PPP5C: variants seen among roughly 807,000 people sequenced by gnomAD.
PPP5C encodes the protein protein phosphatase 5 catalytic subunit.
A neutral mutation model predicts 66.7 loss-of-function variants in PPP5C; 21 were observed. The ratio of observed to expected loss-of-function variants is 0.31; its 90% confidence interval spans 0.22 to 0.45. The LOEUF is 0.45. Ranked by LOEUF, PPP5C falls within the 20% of genes least tolerant of loss-of-function variation. The pLI, the probability that PPP5C is intolerant of heterozygous loss-of-function variation, is 1.00. For missense variants in PPP5C, 464 were observed against 675.9 expected (o/e 0.69, Z 3.48); for synonymous variants, 246 against 257.4 (o/e 0.96, Z 0.43).
In PPP5C at chr19:46,367,305, A is replaced by C. The variant is rs1601425286; in HGVS notation, c.364-8299A>C. Among the ~76,000 whole-genome samples, 13 of 152,330 alleles carry C rather than the reference A, an allele frequency of 8.5e-5. No homozygotes were observed. The South Asian group carries it at 2.7e-3, about 32-fold the overall frequency. The stretch of plus-strand genomic sequence containing the variant: ...TCAGGTAGGAGAAAGAAAGAGAGAA[A>C]TAAAATTTATAATCACTGTACCAGC... On this transcript the variant is annotated intron_variant, in intron 2 of 12. Transcript: ENST00000012443.
intron 2 of PPP5C, among the ~76,000 whole-genome samples, chr19:46,357,433 C>T (rs1358126369): frequency 2.6e-5 from 4 of 152,130 alleles, no homozygotes; most frequent in Non-Finnish European, 5.9e-5. Flanking sequence ...GGAGGTCTCT[C>T]CCTACCGGCA....
At chr19:46,382,861 A>G (rs376635634) in intron 4 of PPP5C, 3 of 1,067,226 alleles carry the variant, frequency 2.8e-6, no homozygotes, top group South Asian at 5.9e-5. Context: ...TGTCAAGGTC[A>G]TATCCAATCT....
chr19:46,385,085 C>T (rs1268997234), intron 7 of PPP5C, 176 bp downstream of exon 7: 6 of 579,010 alleles, frequency 1.0e-5, no homozygotes, highest in South Asian at 4.0e-5. Context: ...CCAAAGGACG[C>T]GTTTACATCA....
At chr19:46,357,118 G>T (rs191180825) in intron 2 of PPP5C, among the ~76,000 whole-genome samples, 21 of 152,270 alleles carry the variant, frequency 1.4e-4, no homozygotes, top group Admixed American at 1.3e-3. Flanking sequence ...ACAAATCTTG[G>T]CTCACTGCAA....
intron 2 of PPP5C, among the ~76,000 whole-genome samples, chr19:46,358,417 G>A (rs1244718509): frequency 7.2e-5 from 11 of 152,236 alleles, no homozygotes; most frequent in African/African-American, 2.6e-4. Flanking sequence ...CCCCTTTCAG[G>A]CATTAGGTAT....
chr19:46,349,148 G>T (rs1229864091), intron 1 of PPP5C, among the ~76,000 whole-genome samples: 1 of 152,134 alleles, frequency 6.6e-6, no homozygotes, highest in Admixed American at 6.5e-5. Context: ...GAAAAAATTA[G>T]TTGGGTGTGG....
Position 46,388,291 on chromosome 19 carries a change from A to G in PPP5C, c.1136-117A>G. On this transcript the variant is annotated intron_variant, in intron 9 of 12. Transcript: ENST00000012443. This position sits in a 1 kb window ranked among gnomAD's most constrained non-coding sequence, Gnocchi z 4.9. ...TGTCCATGCTGGATGTCCCCTGCCC[A>G]ACACCCACCCAGGCTGGGCTGTGGG... is the stretch of plus-strand genomic sequence containing the variant. 1 of 1,156,406 alleles carries G rather than the reference A, an allele frequency of 8.6e-7. No individual in the cohort carries two copies. The highest frequency in any genetic ancestry group is 1.2e-6 in the Non-Finnish European group (1 of 830,294). The allele number at this position is 1,156,406 out of a possible 1,614,324, so 71.6% of individuals were successfully genotyped here.
At chr19:46,380,658 A>C (rs887778836) in intron 4 of PPP5C, among the ~76,000 whole-genome samples, 1 of 152,172 alleles carries the variant, frequency 6.6e-6, no homozygotes, top group Non-Finnish European at 1.5e-5. Context: ...TTTTGTCTTC[A>C]TTTTTAGGGG....
rs767583912 is a variant in PPP5C, at chr19:46,375,689, G to A, written c.449G>A (p.Arg150Gln). 8.1e-6 allele frequency: 13 copies of A among 1,612,594 alleles called. No individual in the cohort carries two copies. The highest frequency in any genetic ancestry group is 1.6e-4 in the Middle Eastern group (1 of 6,074). The change falls in exon 3 of 13, where the codon CGG (arginine) becomes CAG (glutamine). Residue 150 changes from arginine (R) to glutamine (Q), a missense_variant. Arg to Gln is a conservative substitution (Grantham distance 43). Around this residue, in one of 2 missense-constraint regions of PPP5C, gnomAD observed 387 missense variants for 626.0 expected, o/e 0.62. Transcript: ENST00000012443. ...ATCGTGAAGCAGAAGGCCTTTGAGC[G>A]GGCCATCGCGGGCGACGAGCACAAG... ...NKIVKQKAFE[R>Q]AIAGDEHKRS...
intron 1 of PPP5C, among the ~76,000 whole-genome samples, chr19:46,352,702 C>T (rs1054905304): frequency 2.0e-4 from 31 of 152,042 alleles, no homozygotes; most frequent in Admixed American, 1.4e-3. Context: ...CGCCTATAGT[C>T]CCAGCTGCTC....
At chr19:46,367,059 A>G (rs1312299198) in intron 2 of PPP5C, among the ~76,000 whole-genome samples, 1 of 152,210 alleles carries the variant, frequency 6.6e-6, no homozygotes, top group African/African-American at 2.4e-5. Flanking sequence ...GTGTGGTTAC[A>G]TAGGTGCGGG....
Position 46,390,592 on chromosome 19 carries a change from G to C in PPP5C, c.*246G>C. On this transcript the variant is annotated 3_prime_UTR_variant, in exon 13 of 13. Transcript: ENST00000012443. ...CAGCTGGGGCTGGGGGCACAGCCTG[G>C]GCATTCTGTGGGGAGGCCGTCCTCG... The C allele has an allele frequency of 1.4e-6, 2 of 1,385,958 alleles. No homozygotes were observed. Among genetic ancestry groups the C allele is most frequent in the Non-Finnish European group, 1.9e-6 (2 of 1,067,294 alleles). 85.9% of individuals were successfully genotyped at this position (1,385,958 alleles called of 1,614,324 possible). A position where few individuals can be genotyped will look rare whatever the true frequency, so the allele number is the denominator to read the frequency against.
chr19:46,363,497 T>G (rs1972436809), intron 2 of PPP5C, among the ~76,000 whole-genome samples: 1 of 151,150 alleles, frequency 6.6e-6, no homozygotes, highest in African/African-American at 2.4e-5. Flanking sequence ...TGGCGCGATC[T>G]CGGCTCACTG....
chr19:46,349,116 A>T (rs146473692), intron 1 of PPP5C, among the ~76,000 whole-genome samples: 1 of 152,140 alleles, frequency 6.6e-6, no homozygotes, highest in Non-Finnish European at 1.5e-5. Flanking sequence ...CCTGGCCAAC[A>T]TGGTGAAACG....
At chr19:46,378,229 A>T (rs58027460) in intron 4 of PPP5C, among the ~76,000 whole-genome samples, 2,535 of 152,264 alleles carry the variant, frequency 0.017, 86 homozygotes, top group African/African-American at 0.059. Context: ...ATTGTTTTCT[A>T]ATTTTCTTTA....
chr19:46,389,423 A>G (rs1013275489), intron 11 of PPP5C, among the ~76,000 whole-genome samples: 1 of 41,548 alleles, frequency 2.4e-5, no homozygotes, highest in Non-Finnish European at 5.8e-5. Context: ...ACACACACAC[A>G]CACACACACA....
Position 46,383,496 on chromosome 19 carries a change from G to A in PPP5C, c.699+20G>A, listed in dbSNP as rs753010785. Reference sequence around the variant, plus strand: ...AAAGAGGTGCGCGTTGTGGGGCAGTGCGGGGAGGGCCAGCGGGGGTGGGCT... The same window carrying A: ...AAAGAGGTGCGCGTTGTGGGGCAGTACGGGGAGGGCCAGCGGGGGTGGGCT... On this transcript the variant is annotated intron_variant, in intron 5 of 12. Coordinates refer to ENST00000012443, the MANE Select transcript of PPP5C (RefSeq NM_006247.4). The surrounding 1 kb of genome is among the most constrained non-coding windows in gnomAD (Gnocchi z 5.0). 1 of 1,588,906 alleles carries A rather than the reference G, an allele frequency of 6.3e-7. No homozygotes were observed. Among genetic ancestry groups the A allele is most frequent in the Non-Finnish European group, 8.6e-7 (1 of 1,163,210 alleles).
Position 46,388,692 on chromosome 19 carries a change from G to A in PPP5C, c.1316G>A (p.Gly439Glu). 2 of 1,614,146 alleles carry A rather than the reference G, an allele frequency of 1.2e-6. No individual in the cohort carries two copies. The highest frequency in any genetic ancestry group is 1.1e-5 in the South Asian group (1 of 91,080). ...GCCGAGGGCTACGAGGTGGCTCACG[G>A]AGGCCGCTGTGTCACCGTCTTCTCT... ...VKAEGYEVAH[G>E]GRCVTVFSAP... The change falls in exon 11 of 13, where the codon GGA becomes GAA. Residue 439 changes from glycine to glutamate, a missense_variant. Around this residue, in one of 2 missense-constraint regions of PPP5C, gnomAD observed 387 missense variants for 626.0 expected, o/e 0.62. Coordinates refer to ENST00000012443, the MANE Select transcript of PPP5C (RefSeq NM_006247.4). This position sits in a 1 kb window ranked among gnomAD's most constrained non-coding sequence, Gnocchi z 4.9.
chr19:46,372,570 C>A (rs1374934708), intron 2 of PPP5C, among the ~76,000 whole-genome samples: 1 of 152,148 alleles, frequency 6.6e-6, no homozygotes, highest in South Asian at 2.1e-4. Flanking sequence ...ATACACGCAG[C>A]CCCCAGGGCT....
Sources: gnomAD v4.1 joint callset for allele counts (sites outside exome capture counted in the v4.1 genomes callset) on GRCh38, gnomAD v4.1.1 for gene constraint, gnomAD v4.1.1 regional missense constraint, Gnocchi (gnomAD v3.1) non-coding constraint, MANE v1.5 for transcripts, NCBI Gene and HGNC (gene_info 2026-07-23, HGNC 2026-07-21) for gene names.